Variants in C1orf21 observed in about 807,000 individuals in gnomAD.
C1orf21 encodes the protein uncharacterized protein C1orf21.
A neutral mutation model predicts 18.7 loss-of-function variants in C1orf21; 3 were observed. The ratio of observed to expected loss-of-function variants is 0.16; its 90% CI spans 0.07 to 0.42. The LOEUF is 0.42. Among genes scored for constraint, C1orf21 ranks in the 10% least tolerant of loss-of-function variants. The pLI, the probability that C1orf21 is intolerant of heterozygous loss-of-function variation, is 0.99. For synonymous variants in C1orf21, 41 were observed against 46.4 expected (o/e 0.88, Z 0.47); for missense variants, 104 against 143.6 (o/e 0.72, Z 1.41).
intron 1 of C1orf21, among the ~76,000 whole-genome samples, chr1:184,409,450 G>T (rs1358144353): frequency 6.6e-6 from 1 of 152,150 alleles, no homozygotes; most frequent in Non-Finnish European, 1.5e-5. Flanking sequence ...TTTAGTACAG[G>T]TCCTCTTTCT....
intron 2 of C1orf21, among the ~76,000 whole-genome samples, chr1:184,505,845 G>C (rs185149868): frequency 4.6e-5 from 7 of 151,904 alleles, no homozygotes; most frequent in Admixed American, 4.6e-4. Flanking sequence ...CCAAACTGAA[G>C]TTAGGGAGGC....
In C1orf21 at chr1:184,628,399, C is replaced by A. The variant is rs1660052585; in HGVS notation, c.*8843C>A. 1 of 152,200 alleles carries A rather than the reference C, an allele frequency of 6.6e-6. No homozygotes were observed. The highest frequency in any genetic ancestry group is 2.4e-5 in the African/African-American group (1 of 41,454). The allele number at this position is 152,200 out of a possible 1,614,324, so 9.4% of individuals were successfully genotyped here. A position where few individuals can be genotyped will look rare whatever the true frequency, so the allele number is the denominator to read the frequency against. ...TTATAAACAGAGGTTCTGGCATTTT[C>A]TCTCTGAACTCCTGAGGGGGACCTT... is the stretch of plus-strand genomic sequence containing the variant. On this transcript the variant is annotated 3_prime_UTR_variant, in exon 6 of 6. Transcript: ENST00000235307.
At chr1:184,445,373 T>G (rs981990679) in intron 1 of C1orf21, among the ~76,000 whole-genome samples, 16 of 151,248 alleles carry the variant, frequency 1.1e-4, no homozygotes, top group South Asian at 2.1e-4. Flanking sequence ...TCTCTCTCTC[T>G]CGCAAGGAGC....
chr1:184,398,039 G>T (rs1028242252), intron 1 of C1orf21, among the ~76,000 whole-genome samples: 4 of 152,182 alleles, frequency 2.6e-5, no homozygotes, highest in African/African-American at 9.7e-5. Flanking sequence ...GGGTCAAGGA[G>T]AGGTAGGTGA....
At chr1:184,494,590 T>A (rs1657862783) in intron 2 of C1orf21, among the ~76,000 whole-genome samples, 1 of 152,132 alleles carries the variant, frequency 6.6e-6, no homozygotes. Flanking sequence ...ATGAGCTTCA[T>A]TAGAGCATAT....
Position 184,547,420 on chromosome 1 carries a change from CTT to C in C1orf21, c.189+39757_189+39758del, listed in dbSNP as rs34169321. Among the ~76,000 whole-genome samples, 764 of 102,912 alleles carry C rather than the reference CTT, an allele frequency of 7.4e-3. 1 individual carries two copies. Among genetic ancestry groups the C allele is most frequent in the African/African-American group, 0.012 (280 of 22,610 alleles). 67.5% of individuals were successfully genotyped at this position (102,912 alleles called of 152,430 possible). On this transcript the variant is annotated intron_variant, in intron 3 of 5. Coordinates refer to ENST00000235307, the MANE Select transcript of C1orf21 (RefSeq NM_030806.4). ...CTTGCCATTTAAAGATACATCCAGA[CTT>C]TTTTTTTTTTTTTTTTTTGGTCTCT...
intron 1 of C1orf21, among the ~76,000 whole-genome samples, chr1:184,400,745 G>A (rs1656139213): frequency 6.6e-6 from 1 of 152,102 alleles, no homozygotes; most frequent in Admixed American, 6.5e-5. Flanking sequence ...AGCCAGAATT[G>A]AAACTTCATT....
At chr1:184,520,288 C>T (rs1195274591) in intron 3 of C1orf21, among the ~76,000 whole-genome samples, 1 of 152,100 alleles carries the variant, frequency 6.6e-6, no homozygotes, top group African/African-American at 2.4e-5. Flanking sequence ...AACTGGATAA[C>T]TTGAGAGCTT....
At chr1:184,618,637 C>CG (rs1480243708) in intron 5 of C1orf21, among the ~76,000 whole-genome samples, 2 of 94,542 alleles carry the variant, frequency 2.1e-5, no homozygotes, top group East Asian at 1.0e-3. Flanking sequence ...AAAGAACATT[C>CG]CCCCCCCCCA....
chr1:184,468,757 G>A (rs534501438), intron 1 of C1orf21, among the ~76,000 whole-genome samples: 167 of 150,556 alleles, frequency 1.1e-3, no homozygotes, highest in Non-Finnish European at 2.2e-3. Flanking sequence ...CGTCTCTACT[G>A]AAAATACAAA....
At chr1:184,595,317 A>G (rs544925555) in intron 4 of C1orf21, among the ~76,000 whole-genome samples, 1 of 152,348 alleles carries the variant, frequency 6.6e-6, no homozygotes, top group East Asian at 1.9e-4. Context: ...ATCTTGAAAA[A>G]AGAAAAGCCA....
intron 5 of C1orf21, among the ~76,000 whole-genome samples, chr1:184,612,949 C>T (rs1303095566): frequency 6.6e-6 from 1 of 151,806 alleles, no homozygotes; most frequent in Non-Finnish European, 1.5e-5. Context: ...TTTTCCTTTT[C>T]CTTCCTTTTT....
intron 5 of C1orf21, among the ~76,000 whole-genome samples, chr1:184,611,084 AACG>A (rs1659729725): frequency 6.6e-6 from 1 of 152,186 alleles, no homozygotes; most frequent in Non-Finnish European, 1.5e-5. Context: ...GCTCATTACA[AACG>A]AGACCTTTTT....
At chr1:184,396,511 T>C (rs1053928500) in intron 1 of C1orf21, among the ~76,000 whole-genome samples, 9 of 152,160 alleles carry the variant, frequency 5.9e-5, no homozygotes, top group African/African-American at 2.2e-4. Context: ...CTAATAGCCA[T>C]TAGAGGGAAA....
intron 1 of C1orf21, among the ~76,000 whole-genome samples, chr1:184,424,665 A>T (rs927198555): frequency 2.6e-5 from 4 of 152,198 alleles, no homozygotes; most frequent in Non-Finnish European, 5.9e-5. Flanking sequence ...GCCTTGCAAC[A>T]GCCCTCATTG....
chr1:184,436,522 GCCCAGCCCCCAGGAGC>G (rs1411964586), intron 1 of C1orf21, among the ~76,000 whole-genome samples: 4 of 151,832 alleles, frequency 2.6e-5, no homozygotes, highest in Non-Finnish European at 5.9e-5. Flanking sequence ...ACCCAGTTCT[GCCCAGCCCCCAGGAGC>G]CCTTGACATA....
At chr1:184,481,461 G>A (rs1033241815) in intron 2 of C1orf21, among the ~76,000 whole-genome samples, 1 of 152,130 alleles carries the variant, frequency 6.6e-6, no homozygotes, top group Non-Finnish European at 1.5e-5. Context: ...AGCCAAAGCA[G>A]GTCACATGAG....
intron 1 of C1orf21, among the ~76,000 whole-genome samples, chr1:184,462,469 T>C (rs1263133920): frequency 6.6e-6 from 1 of 152,174 alleles, no homozygotes; most frequent in Admixed American, 6.5e-5. Context: ...GAGTAGCAGA[T>C]CTACAGGCCC....
chr1:184,597,399 G>A (rs1482895382), intron 4 of C1orf21, among the ~76,000 whole-genome samples: 1 of 152,120 alleles, frequency 6.6e-6, no homozygotes, highest in Admixed American at 6.5e-5. Flanking sequence ...AGGGTTTCAG[G>A]TCACTTGTGC....
Sources: gnomAD v4.1 joint callset for allele counts (sites outside exome capture counted in the v4.1 genomes callset) on GRCh38, gnomAD v4.1.1 for gene constraint, MANE v1.5 for transcripts, NCBI Gene and HGNC (gene_info 2026-07-23, HGNC 2026-07-21) for gene names.